The following STIM2 variants were observed in gnomAD, a reference collection of about 807,000 sequenced individuals.
The protein encoded by STIM2 is stromal interaction molecule 2.
STIM2 carries 31 observed loss-of-function variants against 85.8 expected under a neutral mutation model. That is an observed-to-expected ratio of 0.36 (90% confidence interval 0.27 to 0.49). The LOEUF is 0.49. Among genes scored for constraint, STIM2 ranks in the 20% least tolerant of loss-of-function variants. STIM2 has a pLI of 0.98. For synonymous variants in STIM2, 356 were observed against 331.1 expected, an observed-to-expected ratio of 1.08 and a Z score of -0.82; for missense variants, 841 against 927.6, an observed-to-expected ratio of 0.91 and a Z score of 1.21.
At chr4:26,998,843 C>T (rs143113408) in intron 4 of STIM2, among the ~76,000 whole-genome samples, 163 of 150,894 alleles carry the variant, frequency 1.1e-3, no homozygotes, top group African/African-American at 3.7e-3. Flanking sequence ...ACCCGGGAGG[C>T]GGAGGTTGCA....
chr4:27,018,021 C>A, intron 11 of STIM2, 37 bp downstream of exon 11: 1 of 1,600,120 alleles, frequency 6.2e-7, no homozygotes, highest in Non-Finnish European at 8.5e-7. Context: ...CATGTTGGGG[C>A]TGGGTTGGGG....
intron 1 of STIM2, chr4:26,881,735 C>T (rs1028286973): frequency 2.0e-5 from 3 of 152,164 alleles, no homozygotes; most frequent in Non-Finnish European, 4.4e-5. Flanking sequence ...AAAAATCCAA[C>T]GTATCCTGAG....
At chr4:26,978,725 G>A (rs1476767563) in intron 3 of STIM2, among the ~76,000 whole-genome samples, 7 of 152,104 alleles carry the variant, frequency 4.6e-5, no homozygotes, top group African/African-American at 1.2e-4. Flanking sequence ...TGCCTACTCC[G>A]GGTGATTTGG....
chr4:26,986,126 C>T (rs976271940), intron 3 of STIM2, among the ~76,000 whole-genome samples: 10 of 152,140 alleles, frequency 6.6e-5, no homozygotes, highest in African/African-American at 2.2e-4. Context: ...AAACTCTGAG[C>T]TTCAGCTTCC....
At chr4:26,978,925 G>A (rs1727289834) in intron 3 of STIM2, among the ~76,000 whole-genome samples, 1 of 152,174 alleles carries the variant, frequency 6.6e-6, no homozygotes, top group Non-Finnish European at 1.5e-5. Context: ...TACTCTTTCA[G>A]AACATCTCTA....
chr4:26,935,057 C>A (rs1725346103), intron 2 of STIM2, among the ~76,000 whole-genome samples: 1 of 151,792 alleles, frequency 6.6e-6, no homozygotes, highest in African/African-American at 2.4e-5. Flanking sequence ...ATATCTTTTC[C>A]TATAAATTTG....
At chr4:27,016,366 T>G (rs1327198854) in intron 10 of STIM2, among the ~76,000 whole-genome samples, 2 of 152,334 alleles carry the variant, frequency 1.3e-5, no homozygotes, top group East Asian at 3.9e-4. Flanking sequence ...ACTTAGCTAT[T>G]GTTAAGGAGA....
chr4:27,016,125 A>G (rs1728723905), intron 10 of STIM2, among the ~76,000 whole-genome samples: 2 of 152,034 alleles, frequency 1.3e-5, no homozygotes, highest in African/African-American at 4.8e-5. Flanking sequence ...AACTCTAATT[A>G]CTGTTTTTCA....
intron 2 of STIM2, among the ~76,000 whole-genome samples, chr4:26,941,834 A>G (rs927885255): frequency 5.9e-5 from 9 of 152,082 alleles, no homozygotes; most frequent in African/African-American, 2.2e-4. Flanking sequence ...TTTTATATAC[A>G]ATTCAATGTA....
chr4:26,944,083 T>C (rs1017673694), intron 2 of STIM2, among the ~76,000 whole-genome samples: 3 of 152,188 alleles, frequency 2.0e-5, no homozygotes, highest in African/African-American at 7.2e-5. Flanking sequence ...ATTTTACTTG[T>C]GATTTTTAAG....
chr4:26,904,338 A>G (rs1360631451), intron 1 of STIM2, among the ~76,000 whole-genome samples: 2 of 152,130 alleles, frequency 1.3e-5, no homozygotes, highest in East Asian at 1.9e-4. Flanking sequence ...CAATATATGT[A>G]TATACTCATG....
At chr4:27,002,169 C>T in intron 5 of STIM2, 48 bp from the exon 6 acceptor site, 1 of 1,515,514 alleles carries the variant, frequency 6.6e-7, no homozygotes, top group African/African-American at 1.4e-5. Flanking sequence ...GTATTGAGGT[C>T]CTGTCATACT....
intron 1 of STIM2, among the ~76,000 whole-genome samples, chr4:26,871,511 G>A (rs1325276289): frequency 6.6e-6 from 1 of 152,064 alleles, no homozygotes; most frequent in Non-Finnish European, 1.5e-5. Context: ...AAATATATCT[G>A]AGGCCCAATA....
chr4:26,873,886 C>T (rs1450979491), intron 1 of STIM2: 5 of 1,332,990 alleles, frequency 3.8e-6, no homozygotes, highest in East Asian at 2.4e-5. Context: ...GATGCTCCTT[C>T]TCCCAGGGGT....
At chr4:26,967,698 G>C (rs1203402792) in intron 3 of STIM2, among the ~76,000 whole-genome samples, 4 of 152,020 alleles carry the variant, frequency 2.6e-5, no homozygotes, top group Non-Finnish European at 4.4e-5. Flanking sequence ...CATATATTTT[G>C]TAAGTGTCTT....
intron 1 of STIM2, among the ~76,000 whole-genome samples, chr4:26,914,128 C>G (rs1724445099): frequency 6.6e-6 from 1 of 152,156 alleles, no homozygotes. Context: ...ATGTTTTTTT[C>G]TCCTTGATTG....
At chr4:26,933,564 T>C (rs1016153555) in intron 2 of STIM2, among the ~76,000 whole-genome samples, 1 of 152,008 alleles carries the variant, frequency 6.6e-6, no homozygotes, top group Non-Finnish European at 1.5e-5. Context: ...ACTGTTTTTA[T>C]ATTATCATCC....
chr4:26,970,236 T>C (rs1327850415), intron 3 of STIM2, among the ~76,000 whole-genome samples: 1 of 29,732 alleles, frequency 3.4e-5, no homozygotes, highest in Non-Finnish European at 9.5e-5. Flanking sequence ...TATATATATA[T>C]ATATATATAT....
At chr4:26,903,837 A>G (rs1360960226) in intron 1 of STIM2, among the ~76,000 whole-genome samples, 1 of 152,120 alleles carries the variant, frequency 6.6e-6, no homozygotes, top group African/African-American at 2.4e-5. Context: ...TAGGAAAATA[A>G]TTGTTTAATT....
Sources: allele counts gnomAD v4.1 joint callset (sites outside exome capture counted in the v4.1 genomes callset), GRCh38; gene constraint gnomAD v4.1.1; transcripts MANE v1.5; gene names NCBI Gene and HGNC (gene_info 2026-07-23, HGNC 2026-07-21).